FARS2: variants seen among roughly 807,000 people sequenced by gnomAD.
The protein encoded by FARS2 is phenylalanine--tRNA ligase, mitochondrial.
Under a neutral mutation model 46.4 loss-of-function variants are expected in FARS2, and 40 were observed. That is an observed-to-expected ratio of 0.86 (90% CI 0.67 to 1.12). The LOEUF is 1.12. FARS2 is among the 50% of genes most tolerant of loss of function. FARS2 has a pLI of 0.00. For synonymous variants in FARS2, 234 were observed against 214.9 expected, an observed-to-expected ratio of 1.09 and a Z score of -0.78; for missense variants, 513 against 567.9, an observed-to-expected ratio of 0.90 and a Z score of 0.98.
chr6:5,694,697 A>C (rs11969885), intron 6 of FARS2, among the ~76,000 whole-genome samples: 2,270 of 152,192 alleles, frequency 0.015, 56 homozygotes, highest in African/African-American at 0.052. Context: ...AAAAAGGAGG[A>C]ATCCTATATG....
At chr6:5,391,436 G>A (rs1027472944) in intron 2 of FARS2, among the ~76,000 whole-genome samples, 11 of 152,172 alleles carry the variant, frequency 7.2e-5, no homozygotes, top group African/African-American at 1.9e-4. Context: ...ACTATTAACC[G>A]TTAGTACTGC....
intron 1 of FARS2, among the ~76,000 whole-genome samples, chr6:5,314,387 G>T (rs748576606): frequency 4.6e-5 from 7 of 152,060 alleles, no homozygotes; most frequent in African/African-American, 7.2e-5. Context: ...TAGGTGGGTG[G>T]GAGCAGGGAG....
In FARS2 at chr6:5,543,392, T is replaced by C. The variant is rs984046474; in HGVS notation, c.905-1788T>C. ...GTTGGTGGTGGTTTTTTTTTTTTTT[T>C]CTCACTCTGTGGACCAAGCTGGAGT... On this transcript the variant is annotated intron_variant, in intron 4 of 6. Coordinates refer to ENST00000274680, the MANE Select transcript of FARS2 (RefSeq NM_006567.5). Among the ~76,000 whole-genome samples, 19 of 149,304 alleles carry C rather than the reference T, an allele frequency of 1.3e-4. No individual in the cohort carries two copies. The South Asian group carries it at 2.1e-3, about 17-fold the overall frequency.
At chr6:5,656,829 G>A (rs1777629904) in intron 6 of FARS2, among the ~76,000 whole-genome samples, 4 of 152,256 alleles carry the variant, frequency 2.6e-5, no homozygotes, top group Admixed American at 2.6e-4. Flanking sequence ...GATTACGGGT[G>A]TGAGCCACTG....
intron 6 of FARS2, among the ~76,000 whole-genome samples, chr6:5,680,569 A>C (rs1460771737): frequency 6.6e-6 from 1 of 152,228 alleles, no homozygotes; most frequent in South Asian, 2.1e-4. Context: ...TGAGGCGTAT[A>C]TGGAAGATGG....
intron 2 of FARS2, among the ~76,000 whole-genome samples, chr6:5,401,554 G>A (rs1434904762): frequency 2.6e-5 from 4 of 152,054 alleles, no homozygotes; most frequent in East Asian, 1.9e-4. Flanking sequence ...TAATTTTTAT[G>A]TATTAACATG....
At chr6:5,659,452 G>A (rs1003868045) in intron 6 of FARS2, among the ~76,000 whole-genome samples, 1 of 152,190 alleles carries the variant, frequency 6.6e-6, no homozygotes, top group African/African-American at 2.4e-5. Context: ...TGACAGTCCG[G>A]TGAGCAGATA....
At chr6:5,404,437 A>G (rs2127718337) in intron 2 of FARS2, 105 bp from the exon 3 acceptor site, 2 of 688,900 alleles carry the variant, frequency 2.9e-6, no homozygotes, top group Admixed American at 3.2e-5. Flanking sequence ...TTATTCCCAC[A>G]TTATAACTTT....
intron 6 of FARS2, among the ~76,000 whole-genome samples, chr6:5,645,435 G>T (rs1203692159): frequency 3.3e-5 from 5 of 152,324 alleles, no homozygotes; most frequent in Admixed American, 3.3e-4. Flanking sequence ...AACCCTAAGG[G>T]ATGAGGGACG....
At chr6:5,546,521 A>G (rs1771024780) in intron 5 of FARS2, among the ~76,000 whole-genome samples, 1 of 151,740 alleles carries the variant, frequency 6.6e-6, no homozygotes, top group African/African-American at 2.4e-5. Flanking sequence ...AAGTGCTGGG[A>G]TTACAGGAGT....
chr6:5,737,401 T>G (rs1761023637), intron 6 of FARS2, among the ~76,000 whole-genome samples: 1 of 152,188 alleles, frequency 6.6e-6, no homozygotes, highest in Non-Finnish European at 1.5e-5. Context: ...CGTGGTGGCA[T>G]GTGCCTGTAG....
chr6:5,259,366 T>C (rs1381727519), upstream of FARS2, among the ~76,000 whole-genome samples: 1 of 152,272 alleles, frequency 6.6e-6, no homozygotes. Context: ...ATGCTTATTA[T>C]TACACTCTTT....
chr6:5,691,843 G>C (rs1022931949), intron 6 of FARS2, among the ~76,000 whole-genome samples: 1 of 152,156 alleles, frequency 6.6e-6, no homozygotes, highest in Non-Finnish European at 1.5e-5. Flanking sequence ...CACCCAGTTC[G>C]AGCTTCCTGG....
intron 6 of FARS2, among the ~76,000 whole-genome samples, chr6:5,667,395 A>G (rs780832539): frequency 6.6e-6 from 1 of 151,830 alleles, no homozygotes; most frequent in South Asian, 2.1e-4. Context: ...GTGCATGCCT[A>G]AAGTCCCAGC....
chr6:5,404,685 A>G lies in FARS2; in HGVS notation c.756A>G (p.Ala252=). ...DLKQTLTRLM[A]HLFGDELEIR... ...AGCAAACGCTTACCAGGCTCATGGC[A>G]CATCTTTTTGGAGATGGTAAGTGCT... The change falls in exon 3 of 7, where the codon GCA becomes GCG. Residue 252 remains alanine (A), a synonymous_variant. Coordinates refer to ENST00000274680, the MANE Select transcript of FARS2 (RefSeq NM_006567.5). 6.3e-7 allele frequency: 1 copy of G among 1,596,116 alleles called. No homozygotes were observed. Among genetic ancestry groups the G allele is most frequent in the Non-Finnish European group, 8.5e-7 (1 of 1,170,564 alleles).
chr6:5,529,403 G>A (rs1582364691), intron 4 of FARS2, among the ~76,000 whole-genome samples: 1 of 152,146 alleles, frequency 6.6e-6, no homozygotes, highest in South Asian at 2.1e-4. Context: ...CGCCTCCTGG[G>A]TTCAATCGAT....
chr6:5,330,774 A>G (rs1455281682), intron 1 of FARS2, among the ~76,000 whole-genome samples: 2 of 152,182 alleles, frequency 1.3e-5, no homozygotes. Flanking sequence ...TAGTTTGTAA[A>G]TTCTACAGGA....
At chr6:5,432,927 A>G (rs1015050106) in intron 4 of FARS2, among the ~76,000 whole-genome samples, 5 of 151,890 alleles carry the variant, frequency 3.3e-5, no homozygotes, top group Non-Finnish European at 7.4e-5. Context: ...TTCCCTTCTT[A>G]CTTTTAGGTA....
At chr6:5,664,530 T>C (rs750526531) in intron 6 of FARS2, among the ~76,000 whole-genome samples, 18 of 152,216 alleles carry the variant, frequency 1.2e-4, no homozygotes, top group Admixed American at 3.9e-4. Context: ...TCCCTTGGTT[T>C]CCTCCACTTC....
Sources: gnomAD v4.1 joint callset for allele counts (sites outside exome capture counted in the v4.1 genomes callset) on GRCh38, gnomAD v4.1.1 for gene constraint, MANE v1.5 for transcripts, NCBI Gene and HGNC (gene_info 2026-07-23, HGNC 2026-07-21) for gene names.